ADGRA2: variants seen among roughly 807,000 people sequenced by gnomAD.
ADGRA2 encodes G-protein coupled receptor 124.
A neutral mutation model predicts 98.7 loss-of-function variants in ADGRA2; 61 were observed. The observed-to-expected ratio is 0.62, with a 90% CI of 0.50 to 0.76. The LOEUF is 0.76. ADGRA2 is among the 30% of genes least tolerant of loss of function. The pLI is 0.00. For missense variants in ADGRA2, 1,712 were observed against 1,860.0 expected (o/e 0.92, Z 1.46); for synonymous variants, 858 against 831.5 (o/e 1.03, Z -0.55).
Position 37,840,770 on chromosome 8 carries a change from A to T in ADGRA2, c.2668A>T (p.Ile890Phe). 1.3e-6 allele frequency: 2 copies of T among 1,591,762 alleles called. No homozygotes were observed. The highest frequency in any genetic ancestry group is 8.6e-7 in the Non-Finnish European group (1 of 1,160,314). The change falls in exon 18 of 19, where the codon ATC (isoleucine) becomes TTC (phenylalanine). Residue 890 changes from isoleucine to phenylalanine, a missense_variant. Transcript: ENST00000412232. ...CCTCATTCCCTCCAGGTTCTATTTG[A>T]TCGCTGGAGGGATTCCACTCATTAT... The part of the protein sequence containing the change: ...TPSPMLRFYL[I>F]AGGIPLIICG...
chr8:37,841,025 G>C lies in ADGRA2; in HGVS notation c.2748-61G>C. 7.8e-6 allele frequency: 11 copies of C among 1,411,650 alleles called. No individual in the cohort carries two copies. Among genetic ancestry groups the C allele is most frequent in the Non-Finnish European group, 1.1e-5 (11 of 1,023,652 alleles). The allele number at this position is 1,411,650 out of a possible 1,614,324, so 87.4% of individuals were successfully genotyped here. A position where few individuals can be genotyped will look rare whatever the true frequency, so the allele number is the denominator to read the frequency against. ...ATATCCTGTCTCCCCAACCACCCCG[G>C]CCCCCAGCCCCACCCCAGCCATGCC... On this transcript the variant is annotated intron_variant, in intron 18 of 18. Transcript: ENST00000412232. The surrounding 1 kb of genome is among the most constrained non-coding windows in gnomAD (Gnocchi z 5.0).
In ADGRA2 at chr8:37,797,446, G is replaced by A. The variant is rs767208463; in HGVS notation, c.178G>A (p.Gly60Ser). The part of the protein sequence containing the change: ...RPKGLSGGVP[G>S]PARRRVVCSG... ...CAAGGGGCTGAGCGGCGGCGTCCCT[G>A]GCCCGGCTCGGCGGAGGGTGGTGTG... The change falls in exon 1 of 19, where the codon GGC (glycine) becomes AGC (serine). Residue 60 changes from glycine to serine, a missense_variant. By Grantham distance (56) the Gly-to-Ser change is moderately conservative. Transcript: ENST00000412232. The surrounding 1 kb of genome is among the most constrained non-coding windows in gnomAD (Gnocchi z 5.3). 1.0e-4 allele frequency: 141 copies of A among 1,413,172 alleles called. No individual in the cohort carries two copies. Among genetic ancestry groups the A allele is most frequent in the African/African-American group, 9.4e-4 (63 of 67,052 alleles). 87.5% of individuals were successfully genotyped at this position (1,413,172 alleles called of 1,614,324 possible).
intron 16 of ADGRA2, 123 bp from the exon 17 acceptor site, chr8:37,839,998 G>T: frequency 1.1e-6 from 1 of 869,790 alleles, no homozygotes; most frequent in East Asian, 2.6e-5. Context: ...GGAGTGGGCT[G>T]GGTAAAGTAA....
At position 37,840,256 on chromosome 8, in the gene ADGRA2, C is replaced by G; in HGVS notation, c.2647C>G (p.Pro883Ala). 1 of 1,612,408 alleles carries G rather than the reference C, an allele frequency of 6.2e-7. No homozygotes were observed. Among genetic ancestry groups the G allele is most frequent in the Non-Finnish European group, 8.5e-7 (1 of 1,179,948 alleles). The part of the protein sequence containing the change: ...EGDPALPTPS[P>A]MLRFYLIAGG... ...GGACCCCGCTCTGCCTACTCCCAGT[C>G]CTATGCTCCGGTACATACTTTCAAT... The change falls in exon 17 of 19, where the codon CCT (proline) becomes GCT (alanine). Residue 883 changes from proline to alanine, a missense_variant. Pro to Ala is a conservative substitution (Grantham distance 27). Coordinates refer to ENST00000412232, the MANE Select transcript of ADGRA2 (RefSeq NM_032777.10).
At chr8:37,827,493 G>A (rs781738238) in intron 2 of ADGRA2, among the ~76,000 whole-genome samples, 1 of 152,246 alleles carries the variant, frequency 6.6e-6, no homozygotes, top group Non-Finnish European at 1.5e-5. Flanking sequence ...CCTAGGCCAT[G>A]ATTGAATTTG....
At chr8:37,832,517 G>A (rs1245874519) in intron 8 of ADGRA2, among the ~76,000 whole-genome samples, 4 of 152,034 alleles carry the variant, frequency 2.6e-5, no homozygotes, top group African/African-American at 9.7e-5. Flanking sequence ...GTTATCTTCT[G>A]TAGAGACAGG....
chr8:37,831,350 GA>G, intron 7 of ADGRA2, 72 bp from the exon 8 acceptor site: 7 of 1,409,948 alleles, frequency 5.0e-6, no homozygotes, highest in Admixed American at 3.4e-5. Context: ...AGTGTTGTAG[GA>G]CGGTGCTGAG....
chr8:37,831,623 C>T, intron 8 of ADGRA2, 36 bp downstream of exon 8: 1 of 1,593,574 alleles, frequency 6.3e-7, no homozygotes, highest in Admixed American at 1.7e-5. Context: ...GGCTGCCCAG[C>T]CCCCAACCCC....
rs1437750334 is a variant in ADGRA2 at position 37,798,136 on chromosome 8, C to A, written c.266+602C>A. Among the ~76,000 whole-genome samples, 22 of 127,858 alleles carry A rather than the reference C, an allele frequency of 1.7e-4. 1 individual carries two copies. In the Admixed American group the frequency reaches 1.9e-3, roughly 11 times the overall value. 83.9% of individuals were successfully genotyped at this position (127,858 alleles called of 152,430 possible). A position where few individuals can be genotyped will look rare whatever the true frequency, so the allele number is the denominator to read the frequency against. On this transcript the variant is annotated intron_variant, in intron 1 of 18. Coordinates refer to ENST00000412232, the MANE Select transcript of ADGRA2 (RefSeq NM_032777.10). Reference sequence around the variant, plus strand: ...TTGGAATACCGGCGCTCCTGGGCTGCAGGAGACCCTGGCGTCCCCATCCCT... The same window carrying A: ...TTGGAATACCGGCGCTCCTGGGCTGAAGGAGACCCTGGCGTCCCCATCCCT...
chr8:37,823,661 C>T (rs906103803), intron 2 of ADGRA2, among the ~76,000 whole-genome samples: 4 of 152,186 alleles, frequency 2.6e-5, no homozygotes, highest in African/African-American at 9.7e-5. Flanking sequence ...AGTGTCTGCA[C>T]CATTTTACAT....
chr8:37,842,228 T>G lies in ADGRA2; in HGVS notation c.3890T>G (p.Leu1297Arg). 1 of 1,549,126 alleles carries G rather than the reference T, an allele frequency of 6.5e-7. No homozygotes were observed. Among genetic ancestry groups the G allele is most frequent in the Non-Finnish European group, 8.7e-7 (1 of 1,147,140 alleles). The change falls in exon 19 of 19, where the codon CTC (leucine) becomes CGC (arginine). Residue 1297 changes from leucine (L) to arginine (R), a missense_variant. Transcript: ENST00000412232. ...GAGAGCCATCGCCGCTCGTACCCGC[T>G]CAACGCCGCCAGCCTAAACGGCGCC... ...EKESHRRSYP[L>R]NAASLNGAPK...
rs764972507 is a variant in ADGRA2 at position 37,830,723 on chromosome 8, G to T, written c.732G>T (p.Glu244Asp). 4 of 1,603,326 alleles carry T rather than the reference G, an allele frequency of 2.5e-6. No individual in the cohort carries two copies. Among genetic ancestry groups the T allele is most frequent in the Non-Finnish European group, 3.4e-6 (4 of 1,175,500 alleles). ...CTCCTCCCACAGAGGGGGCCCTGGA[G>T]CTGCACACACACCACCTCATCCCGT... ...EAQLCCEGAL[E>D]LHTHHLIPSL... Residue 244 changes from glutamate (E) to aspartate (D), a missense_variant, in exon 7 of 19, where the codon GAG becomes GAT. Glu to Asp is a conservative substitution (Grantham distance 45). Coordinates refer to ENST00000412232, the MANE Select transcript of ADGRA2 (RefSeq NM_032777.10). This position sits in a 1 kb window ranked among gnomAD's most constrained non-coding sequence, Gnocchi z 4.8.
chr8:37,812,750 G>A (rs1024189426), intron 1 of ADGRA2, among the ~76,000 whole-genome samples: 9 of 151,286 alleles, frequency 5.9e-5, no homozygotes, highest in Non-Finnish European at 1.0e-4. Flanking sequence ...CTGCAGCCTC[G>A]AACTCCTGGG....
At position 37,833,838 on chromosome 8, in the gene ADGRA2, G is replaced by A. The variant is rs771320519; in HGVS notation, c.1446+1G>A. 6.2e-7 allele frequency: 1 copy of A among 1,613,996 alleles called. No individual in the cohort carries two copies. Among genetic ancestry groups the A allele is most frequent in the Admixed American group, 1.7e-5 (1 of 60,012 alleles). On this transcript the variant is annotated splice_donor_variant, in intron 10 of 18. Transcript: ENST00000412232. LOFTEE classifies it high-confidence loss of function. ...GGGTTATGTCGACCAGATCAAAGAG[G>A]TGAGACTCAGCTGGAACTCAGGAGC... is the stretch of plus-strand genomic sequence containing the variant.
In ADGRA2 at chr8:37,814,873, CTG is replaced by C. The variant is rs1277562369; in HGVS notation, c.267-19_267-18del. On this transcript the variant is annotated intron_variant, in intron 1 of 18. Transcript: ENST00000412232. The surrounding 1 kb of genome is among the most constrained non-coding windows in gnomAD (Gnocchi z 4.3). ...AGCACATAACAGCACCTTGTCCTGT[CTG>C]TGTCCTCTCTGTCTCTTCAGGCTCT... 6.3e-7 allele frequency: 1 copy of C among 1,585,450 alleles called. No individual in the cohort carries two copies. The highest frequency in any genetic ancestry group is 1.3e-5 in the African/African-American group (1 of 74,352).
intron 1 of ADGRA2, among the ~76,000 whole-genome samples, chr8:37,807,547 G>T (rs1375438356): frequency 6.6e-6 from 1 of 152,112 alleles, no homozygotes; most frequent in African/African-American, 2.4e-5. Context: ...TAGGTTTTAG[G>T]CATCTCTTTG....
intron 2 of ADGRA2, among the ~76,000 whole-genome samples, chr8:37,820,314 A>T (rs1031578091): frequency 3.3e-5 from 5 of 152,186 alleles, no homozygotes; most frequent in African/African-American, 9.7e-5. Flanking sequence ...AACCATCACA[A>T]CCACTATCCC....
At chr8:37,812,949 A>G (rs543973290) in intron 1 of ADGRA2, among the ~76,000 whole-genome samples, 1 of 152,168 alleles carries the variant, frequency 6.6e-6, no homozygotes, top group East Asian at 1.9e-4. Context: ...CCAGCCTCCC[A>G]AAGTGCTAGG....
rs369537025 is a variant in ADGRA2, at chr8:37,844,652, C to T, written c.*2297C>T. 13 of 1,613,992 alleles carry T rather than the reference C, an allele frequency of 8.1e-6. No homozygotes were observed. The highest frequency in any genetic ancestry group is 2.2e-5 in the South Asian group (2 of 91,082). On this transcript the variant is annotated 3_prime_UTR_variant, in exon 19 of 19. Coordinates refer to ENST00000412232, the MANE Select transcript of ADGRA2 (RefSeq NM_032777.10). ...CAGGGGGTACAGGGCAGATCCGCTT[C>T]GGGGACTTCAACATGCAGGGTGGCA...
Sources: gnomAD v4.1 joint callset for allele counts (sites outside exome capture counted in the v4.1 genomes callset) on GRCh38, gnomAD v4.1.1 for gene constraint, Gnocchi (gnomAD v3.1) non-coding constraint, MANE v1.5 for transcripts, NCBI Gene and HGNC (gene_info 2026-07-23, HGNC 2026-07-21) for gene names.